CDH12: variants seen among roughly 807,000 people sequenced by gnomAD.
CDH12 encodes the protein cadherin-12.
Under a neutral mutation model 74.1 loss-of-function variants are expected in CDH12, and 41 were observed. That is an observed-to-expected ratio of 0.55 (90% CI 0.43 to 0.72). CDH12 has a LOEUF of 0.72. Among genes scored for constraint, CDH12 ranks in the 30% least tolerant of loss-of-function variants. CDH12 has a pLI of 0.00. For synonymous variants in CDH12, 399 were observed against 355.0 expected (o/e 1.12, Z -1.39); for missense variants, 945 against 977.2 (o/e 0.97, Z 0.44).
rs148806193 is a variant in CDH12, at chr5:22,301,829, T to C, written c.-332-89186A>G. ...TTATTTATTTATTCATTCATTCATTTATTTATTTATTGTATTTTTGGTAGA... is the reference window on the plus strand; with the variant it reads ...TTATTTATTTATTCATTCATTCATTCATTTATTTATTGTATTTTTGGTAGA... On this transcript the variant is annotated intron_variant, in intron 3 of 14. Transcript: ENST00000382254. 4.4e-3 allele frequency among the ~76,000 whole-genome samples: 662 copies of C among 151,838 alleles called. 9 individuals carry two copies. The highest frequency in any genetic ancestry group is 0.014 in the African/African-American group (590 of 41,412).
chr5:22,228,450 A>G (rs917583460), intron 3 of CDH12, among the ~76,000 whole-genome samples: 6 of 152,134 alleles, frequency 3.9e-5, no homozygotes, highest in African/African-American at 1.4e-4. Context: ...TTAGTAGTGG[A>G]TAAAATATGT....
intron 2 of CDH12, among the ~76,000 whole-genome samples, chr5:22,416,701 A>G (rs1743408004): frequency 6.6e-6 from 1 of 152,190 alleles, no homozygotes; most frequent in African/African-American, 2.4e-5. Flanking sequence ...GGCCACCCAA[A>G]GTAGAAAGAA....
intron 4 of CDH12, among the ~76,000 whole-genome samples, chr5:22,160,769 A>G (rs1290234580): frequency 6.6e-6 from 1 of 152,120 alleles, no homozygotes; most frequent in African/African-American, 2.4e-5. Context: ...CTATATTATA[A>G]GGGCACTAAT....
intron 1 of CDH12, among the ~76,000 whole-genome samples, chr5:22,546,781 C>A (rs1480394829): frequency 6.6e-6 from 1 of 152,102 alleles, no homozygotes; most frequent in Non-Finnish European, 1.5e-5. Context: ...ACATTGAAAG[C>A]CTTTTGCATG....
chr5:21,869,975 A>G (rs1438653887), intron 6 of CDH12, among the ~76,000 whole-genome samples: 1 of 152,126 alleles, frequency 6.6e-6, no homozygotes, highest in Admixed American at 6.5e-5. Context: ...AAGAAAACTG[A>G]ATTATGGGGG....
In CDH12 at chr5:22,023,563, C is replaced by T. The variant is rs575725261; in HGVS notation, c.232-48178G>A. Among the ~76,000 whole-genome samples, 42 of 150,444 alleles carry T rather than the reference C, an allele frequency of 2.8e-4. No homozygotes were observed. The East Asian group carries it at 6.4e-3, about 23-fold the overall frequency. ...CTGTATTTGTATATATATATACACACGAATATTCTCTCTCTCTATATATAT... is the reference window on the plus strand; with the variant it reads ...CTGTATTTGTATATATATATACACATGAATATTCTCTCTCTCTATATATAT... On this transcript the variant is annotated intron_variant, in intron 5 of 14. Transcript: ENST00000382254.
At chr5:22,113,850 G>T (rs1284254720) in intron 4 of CDH12, among the ~76,000 whole-genome samples, 2 of 152,022 alleles carry the variant, frequency 1.3e-5, no homozygotes, top group African/African-American at 4.8e-5. Context: ...TTATATAGGG[G>T]TCATTCCTAT....
chr5:22,427,536 T>A (rs2126512346), intron 2 of CDH12, among the ~76,000 whole-genome samples: 1 of 152,326 alleles, frequency 6.6e-6, no homozygotes, highest in Non-Finnish European at 1.5e-5. Flanking sequence ...CAGAGCTGTG[T>A]TCTATTTGCT....
At chr5:22,446,143 TTA>T (rs2126551571) in intron 2 of CDH12, among the ~76,000 whole-genome samples, 1 of 152,216 alleles carries the variant, frequency 6.6e-6, no homozygotes, top group African/African-American at 2.4e-5. Context: ...AGCCTTTGGA[TTA>T]CTTAAGTTTA....
intron 6 of CDH12, among the ~76,000 whole-genome samples, chr5:21,922,451 CA>C (rs758815394): frequency 2.4e-4 from 36 of 152,082 alleles, no homozygotes; most frequent in South Asian, 2.1e-3. Context: ...ATCTGCTTAC[CA>C]AAAAAGATTA....
chr5:22,831,351 T>TTGTTTGTG (rs1736595052), intron 1 of CDH12, among the ~76,000 whole-genome samples: 1 of 138,540 alleles, frequency 7.2e-6, no homozygotes, highest in Non-Finnish European at 1.5e-5. Context: ...GTTTTGGAGT[T>TTGTTTGTG]TGTGTGTGTG....
At chr5:21,952,900 A>G (rs1018117870) in intron 6 of CDH12, among the ~76,000 whole-genome samples, 1 of 151,840 alleles carries the variant, frequency 6.6e-6, no homozygotes, top group Non-Finnish European at 1.5e-5. Context: ...CACATAACAG[A>G]CAGCAGACCC....
chr5:22,050,875 A>T (rs1433046657), intron 5 of CDH12, among the ~76,000 whole-genome samples: 2 of 152,094 alleles, frequency 1.3e-5, no homozygotes, highest in African/African-American at 4.8e-5. Flanking sequence ...CTGATCTTAA[A>T]AATAACATGT....
intron 8 of CDH12, among the ~76,000 whole-genome samples, chr5:21,820,668 C>G (rs1748319416): frequency 1.3e-5 from 2 of 151,954 alleles, no homozygotes; most frequent in Non-Finnish European, 2.9e-5. Flanking sequence ...TTTGTCATGT[C>G]AGATTGTTTA....
chr5:22,494,700 G>T lies in CDH12; in HGVS notation c.-428+10570C>A, dbSNP rs575602059. 1.8e-4 allele frequency among the ~76,000 whole-genome samples: 28 copies of T among 152,226 alleles called. 1 individual carries two copies. The South Asian group carries it at 3.9e-3, about 21-fold the overall frequency. ...GAACCTATTGATGATGTTAAGTGAG[G>T]ACTTACTCTACCAGGTGGGGCAGTG... is the stretch of plus-strand genomic sequence containing the variant. On this transcript the variant is annotated intron_variant, in intron 2 of 14. Transcript: ENST00000382254.
intron 5 of CDH12, among the ~76,000 whole-genome samples, chr5:21,986,402 T>A (rs1416394014): frequency 1.3e-5 from 2 of 152,194 alleles, no homozygotes; most frequent in African/African-American, 4.8e-5. Context: ...CAACTTTAGC[T>A]CACTCCAATT....
intron 5 of CDH12, among the ~76,000 whole-genome samples, chr5:22,063,436 T>G (rs1203796244): frequency 6.6e-6 from 1 of 152,138 alleles, no homozygotes; most frequent in East Asian, 1.9e-4. Context: ...TGATCATCTA[T>G]CCCTTTTTAT....
At chr5:22,455,250 C>T (rs1336026115) in intron 2 of CDH12, among the ~76,000 whole-genome samples, 2 of 152,080 alleles carry the variant, frequency 1.3e-5, no homozygotes, top group African/African-American at 4.8e-5. Flanking sequence ...TAACATGGTA[C>T]TAGCTAAAGT....
At chr5:21,804,643 A>AAAATACACAC (rs1554032478) in intron 9 of CDH12, among the ~76,000 whole-genome samples, 2 of 115,272 alleles carry the variant, frequency 1.7e-5, no homozygotes, top group African/African-American at 3.2e-5. Context: ...AGTGAATTAA[A>AAAATACACAC]ACACACACAC....
Sources: allele counts gnomAD v4.1 joint callset (sites outside exome capture counted in the v4.1 genomes callset), GRCh38; gene constraint gnomAD v4.1.1; transcripts MANE v1.5; gene names NCBI Gene and HGNC (gene_info 2026-07-23, HGNC 2026-07-21).